YAP1: variants seen among roughly 807,000 people sequenced by gnomAD.
YAP1 encodes Yes1 associated transcriptional regulator, also known as transcriptional coactivator YAP1.
In YAP1, 5 loss-of-function variants were observed where a neutral mutation model predicts 56.9. The observed-to-expected ratio is 0.09, with a 90% CI of 0.05 to 0.18. The LOEUF is 0.18. Ranked by LOEUF, YAP1 falls within the 10% of genes least tolerant of loss-of-function variation. The probability of loss-of-function intolerance (pLI) is 1.00; values close to 1 mark genes in which losing one functional copy is unlikely to be tolerated. For synonymous variants in YAP1, 265 were observed against 248.1 expected (o/e 1.07, Z -0.64); for missense variants, 539 against 651.8 (o/e 0.83, Z 1.88).
chr11:102,113,471 T>C (rs752554619), intron 1 of YAP1, among the ~76,000 whole-genome samples: 5 of 152,234 alleles, frequency 3.3e-5, no homozygotes, highest in Non-Finnish European at 7.3e-5. Flanking sequence ...TGGATGTGTG[T>C]GAGTTCTTAA....
At chr11:102,141,319 C>T (rs1692069363) in intron 2 of YAP1, among the ~76,000 whole-genome samples, 1 of 152,190 alleles carries the variant, frequency 6.6e-6, no homozygotes, top group Non-Finnish European at 1.5e-5. Context: ...TGTTCCCAGT[C>T]ATTTCAGAAG....
intron 6 of YAP1, among the ~76,000 whole-genome samples, chr11:102,214,411 G>C (rs888351911): frequency 1.3e-5 from 2 of 152,150 alleles, no homozygotes; most frequent in Admixed American, 6.5e-5. Context: ...CAGTGAAGAG[G>C]TTCAGATGTT....
chr11:102,226,374 A>T (rs561258239), intron 7 of YAP1, among the ~76,000 whole-genome samples: 1 of 152,236 alleles, frequency 6.6e-6, no homozygotes, highest in Non-Finnish European at 1.5e-5. Flanking sequence ...TAGGGAAGGC[A>T]GTTGGGGTAT....
intron 4 of YAP1, among the ~76,000 whole-genome samples, chr11:102,197,672 ACT>A (rs1461909333): frequency 6.6e-6 from 1 of 152,130 alleles, no homozygotes; most frequent in Non-Finnish European, 1.5e-5. Context: ...AGAAGCACAG[ACT>A]CTAAATTTTA....
chr11:102,165,287 G>A (rs563195803), intron 3 of YAP1, among the ~76,000 whole-genome samples: 2 of 152,256 alleles, frequency 1.3e-5, no homozygotes, highest in South Asian at 2.1e-4. Flanking sequence ...TTGAGCCTGG[G>A]AAATTGAGGC....
At chr11:102,157,032 TA>T (rs1387653988) in intron 2 of YAP1, among the ~76,000 whole-genome samples, 1 of 152,246 alleles carries the variant, frequency 6.6e-6, no homozygotes, top group African/African-American at 2.4e-5. Flanking sequence ...AGACTTATAA[TA>T]AATGGTCATG....
rs1486557314 is a variant in YAP1 at position 102,162,774 on chromosome 11, G to C, written c.688+203G>C. Among the ~76,000 whole-genome samples the C allele has an allele frequency of 3.9e-5, 6 of 152,254 alleles. No homozygotes were observed. In the South Asian group the frequency reaches 8.3e-4, roughly 21 times the overall value. Reference sequence around the variant, plus strand: ...TTGTATAGTTGTTAACGCATAAGGGGGCCGATAACTGAAAGCCAGTGGTTC... The same window carrying C: ...TTGTATAGTTGTTAACGCATAAGGGCGCCGATAACTGAAAGCCAGTGGTTC... On this transcript the variant is annotated intron_variant, in intron 3 of 8. Coordinates refer to ENST00000282441, the MANE Select transcript of YAP1 (RefSeq NM_001130145.3).
At chr11:102,112,171 C>T (rs1022740579) in intron 1 of YAP1, among the ~76,000 whole-genome samples, 1 of 152,194 alleles carries the variant, frequency 6.6e-6, no homozygotes, top group African/African-American at 2.4e-5. Flanking sequence ...TAGGCCAAGT[C>T]CTGCCTAGTT....
chr11:102,181,508 T>C (rs1947623118), intron 3 of YAP1, among the ~76,000 whole-genome samples: 1 of 152,172 alleles, frequency 6.6e-6, no homozygotes, highest in African/African-American at 2.4e-5. Flanking sequence ...TCCATTCTTT[T>C]TACTTCCTGC....
At chr11:102,119,890 G>A (rs1943543898) in intron 2 of YAP1, among the ~76,000 whole-genome samples, 2 of 152,222 alleles carry the variant, frequency 1.3e-5, no homozygotes, top group South Asian at 4.1e-4. Context: ...TTAAAAATCA[G>A]TTGCTAAGAT....
intron 3 of YAP1, 96 bp downstream of exon 3, chr11:102,162,667 G>T: frequency 1.7e-6 from 2 of 1,178,374 alleles, no homozygotes. Flanking sequence ...ACAGAAACTG[G>T]GACATGGTGA....
intron 2 of YAP1, among the ~76,000 whole-genome samples, chr11:102,143,179 G>A (rs1945116332): frequency 6.6e-6 from 1 of 152,108 alleles, no homozygotes; most frequent in South Asian, 2.1e-4. Flanking sequence ...TTTGGCATAG[G>A]TTAAGAGAAA....
At chr11:102,148,678 C>G (rs970045309) in intron 2 of YAP1, among the ~76,000 whole-genome samples, 2 of 152,260 alleles carry the variant, frequency 1.3e-5, no homozygotes, top group Middle Eastern at 3.4e-3. Flanking sequence ...GTTCTCTGGA[C>G]AAGACATCAG....
chr11:102,226,728 G>A (rs999449940), intron 7 of YAP1, among the ~76,000 whole-genome samples: 11 of 152,134 alleles, frequency 7.2e-5, no homozygotes, highest in African/African-American at 2.4e-4. Flanking sequence ...TATTTTCAAG[G>A]GATGTGCCTT....
intron 2 of YAP1, among the ~76,000 whole-genome samples, chr11:102,128,292 G>A (rs1464492020): frequency 1.3e-5 from 2 of 152,106 alleles, no homozygotes; most frequent in African/African-American, 2.4e-5. Flanking sequence ...GGAGGGACTC[G>A]GCGGGGGGTA....
intron 2 of YAP1, among the ~76,000 whole-genome samples, chr11:102,161,053 C>CTTTTTTTTTTTTTTTTT (rs67023819): frequency 1.3e-5 from 1 of 75,492 alleles, no homozygotes; most frequent in Non-Finnish European, 2.3e-5. Context: ...TAATTTCTTT[C>CTTTTTTTTTTTTTTTTT]TTTTTTTTTT....
At chr11:102,153,509 A>G (rs551538219) in intron 2 of YAP1, among the ~76,000 whole-genome samples, 173 of 152,340 alleles carry the variant, frequency 1.1e-3, no homozygotes, top group African/African-American at 3.7e-3. Flanking sequence ...GTTTTCTGAT[A>G]CAGCATTGAA....
intron 4 of YAP1, among the ~76,000 whole-genome samples, chr11:102,197,138 G>C (rs748411467): frequency 6.6e-6 from 1 of 152,092 alleles, no homozygotes; most frequent in Non-Finnish European, 1.5e-5. Flanking sequence ...AAAGTCTACT[G>C]TTTTGTAGTT....
intron 1 of YAP1, 22 bp downstream of exon 1, chr11:102,111,191 C>A: frequency 6.2e-7 from 1 of 1,609,774 alleles, no homozygotes; most frequent in Non-Finnish European, 8.5e-7. Context: ...GCCCCTCTCC[C>A]CGTTTCCCCG....
Sources: allele counts gnomAD v4.1 joint callset (sites outside exome capture counted in the v4.1 genomes callset), GRCh38; gene constraint gnomAD v4.1.1; transcripts MANE v1.5; gene names NCBI Gene and HGNC (gene_info 2026-07-23, HGNC 2026-07-21).